The following MPP4 variants were observed in gnomAD, a reference collection of about 807,000 sequenced individuals.
MPP4 encodes MAGUK p55 scaffold protein 4.
MPP4 carries 91 observed loss-of-function variants against 98.3 expected under a neutral mutation model. That is an observed-to-expected ratio of 0.93 (90% CI 0.78 to 1.10). The LOEUF is 1.10. Ranked by LOEUF, MPP4 falls within the 50% of genes least tolerant of loss-of-function variation. The pLI is 0.00. For missense variants in MPP4, 744 were observed against 792.9 expected (o/e 0.94, Z 0.74); for synonymous variants, 261 against 271.8 (o/e 0.96, Z 0.39).
chr2:201,647,813 C>T lies in MPP4; in HGVS notation c.1597G>A (p.Val533Ile), dbSNP rs1316217195. Reference protein sequence around the residue: ...MDLEPQDIQGVRTHELKPYVI... With the variant: ...MDLEPQDIQGIRTHELKPYVI... The stretch of plus-strand genomic sequence containing the variant: ...TAGGGCTTCAGTTCATGGGTTCGAA[C>T]CCCTTGAATATCCTACACAGAAAAT... The change falls in exon 21 of 22, where the codon GTT becomes ATT. Residue 533 changes from valine (V) to isoleucine (I), a missense_variant. Physicochemically the swap from Val to Ile is conservative, Grantham distance 29. Coordinates refer to ENST00000409474, the MANE Select transcript of MPP4 (RefSeq NM_033066.3). 3 of 1,612,116 alleles carry T rather than the reference C, an allele frequency of 1.9e-6. No homozygotes were observed. The highest frequency in any genetic ancestry group is 4.5e-5 in the East Asian group (2 of 44,832).
At position 201,645,128 on chromosome 2, in the gene MPP4, C is replaced by A; in HGVS notation, c.*82G>T. 1 of 1,247,008 alleles carries A rather than the reference C, an allele frequency of 8.0e-7. No individual in the cohort carries two copies. The highest frequency in any genetic ancestry group is 1.1e-6 in the Non-Finnish European group (1 of 923,502). The allele number at this position is 1,247,008 out of a possible 1,614,324, so 77.2% of individuals were successfully genotyped here. ...TAAAGTTGTACACATTAAAATGGGT[C>A]AAATACTGTTGTTTTAGATTGCAAC... On this transcript the variant is annotated 3_prime_UTR_variant, in exon 22 of 22. Transcript: ENST00000409474.
chr2:201,670,756 T>G (rs1365660366), intron 11 of MPP4, among the ~76,000 whole-genome samples: 1 of 152,198 alleles, frequency 6.6e-6, no homozygotes, highest in African/African-American at 2.4e-5. Context: ...GATAAGATGT[T>G]AAGTGGCTGG....
At position 201,685,028 on chromosome 2, in the gene MPP4, T is replaced by C. The variant is rs931562628; in HGVS notation, c.574+36A>G. The stretch of plus-strand genomic sequence containing the variant: ...CTAAACAGTCAAGGGTTTCCTGTTT[T>C]TCTGGTAACTCTCAATCCCAGCTGC... On this transcript the variant is annotated intron_variant, in intron 7 of 21. Transcript: ENST00000409474. The C allele has an allele frequency of 2.5e-6, 4 of 1,575,674 alleles. No homozygotes were observed. The South Asian group carries it at 3.5e-5, about 14-fold the overall frequency.
intron 10 of MPP4, among the ~76,000 whole-genome samples, chr2:201,678,683 A>C (rs530309553): frequency 6.6e-6 from 1 of 152,122 alleles, no homozygotes; most frequent in Non-Finnish European, 1.5e-5. Context: ...ACATGGCTCC[A>C]GCACATCCTT....
chr2:201,669,137 AG>A (rs1688268706), intron 12 of MPP4, among the ~76,000 whole-genome samples: 2 of 150,012 alleles, frequency 1.3e-5, no homozygotes, highest in Admixed American at 6.7e-5. Flanking sequence ...AGAGAGAGAG[AG>A]AGCACCATCA....
At chr2:201,687,611 A>G (rs1476728308) in intron 4 of MPP4, among the ~76,000 whole-genome samples, 3 of 152,174 alleles carry the variant, frequency 2.0e-5, no homozygotes, top group African/African-American at 7.2e-5. Flanking sequence ...TCTAAACCCA[A>G]TGCCCAATCC....
At chr2:201,697,875 G>A in intron 1 of MPP4, 1 of 975,812 alleles carries the variant, frequency 1.0e-6, no homozygotes, top group African/African-American at 1.8e-5. Flanking sequence ...TTCCTCTTTT[G>A]TTTCCTTAGT....
rs1688998510 is a variant in MPP4 at position 201,690,913 on chromosome 2, A to G, written c.202-634T>C. Among the ~76,000 whole-genome samples the G allele has an allele frequency of 2.6e-5, 4 of 152,238 alleles. No individual in the cohort carries two copies. The South Asian group carries it at 8.3e-4, about 32-fold the overall frequency. ...GATCTAGGTTTGGGCTGAGGACACC[A>G]AAGCCTGCCTAGCTCTGCAATGCAC... On this transcript the variant is annotated intron_variant, in intron 3 of 21. Coordinates refer to ENST00000409474, the MANE Select transcript of MPP4 (RefSeq NM_033066.3).
rs973405938 is a variant in MPP4, at chr2:201,649,487, T to C, written c.1584+89A>G. On this transcript the variant is annotated intron_variant, in intron 20 of 21. Coordinates refer to ENST00000409474, the MANE Select transcript of MPP4 (RefSeq NM_033066.3). ...ATTCTTAAAAGGCTAACAGAATAAA[T>C]GTCTCAACTATAACCTACAGCATGT... 4.5e-6 allele frequency: 4 copies of C among 891,868 alleles called. No homozygotes were observed. In the African/African-American group the frequency reaches 6.6e-5, roughly 15 times the overall value. 55.2% of individuals were successfully genotyped at this position (891,868 alleles called of 1,614,324 possible). A position where few individuals can be genotyped will look rare whatever the true frequency, so the allele number is the denominator to read the frequency against.
rs759436902 is a variant in MPP4, at chr2:201,666,378, A to G, written c.1013-6T>C. On this transcript the variant is annotated splice_region_variant and splice_polypyrimidine_tract_variant and intron_variant, in intron 12 of 21. Coordinates refer to ENST00000409474, the MANE Select transcript of MPP4 (RefSeq NM_033066.3). ...ATCAATCTTCATGTCATCTTCTATA[A>G]AAGAGTATAGAAAGGGAGAAACAGA... is the stretch of plus-strand genomic sequence containing the variant. 2 of 1,541,998 alleles carry G rather than the reference A, an allele frequency of 1.3e-6. No individual in the cohort carries two copies. The highest frequency in any genetic ancestry group is 2.5e-5 in the South Asian group (2 of 81,434).
rs757108578 is a variant in MPP4 at position 201,680,965 on chromosome 2, A to G, written c.802T>C (p.Leu268=). The G allele has an allele frequency of 6.2e-7, 1 of 1,613,916 alleles. No homozygotes were observed. The highest frequency in any genetic ancestry group is 1.1e-5 in the South Asian group (1 of 91,060). ...DPDIPCMDAG[L]PFQKGDILQI... The stretch of plus-strand genomic sequence containing the variant: ...AGGATGTCCCCCTTCTGGAAAGGCA[A>G]TCCAGCGTCCATGCAGGGGATGTCG... Residue 268 remains leucine (L), a synonymous_variant, in exon 10 of 22, where the codon TTG becomes CTG. Coordinates refer to ENST00000409474, the MANE Select transcript of MPP4 (RefSeq NM_033066.3).
intron 11 of MPP4, among the ~76,000 whole-genome samples, chr2:201,669,964 A>C (rs1688296509): frequency 6.6e-6 from 1 of 152,226 alleles, no homozygotes; most frequent in African/African-American, 2.4e-5. Context: ...CCTTGTTGGA[A>C]ATGGAAATCT....
chr2:201,690,938 C>T (rs753771179), intron 3 of MPP4, among the ~76,000 whole-genome samples: 42 of 152,348 alleles, frequency 2.8e-4, no homozygotes, highest in Non-Finnish European at 5.3e-4. Flanking sequence ...CTGCAATGCA[C>T]CCCTTGATCT....
intron 8 of MPP4, among the ~76,000 whole-genome samples, chr2:201,682,197 A>G (rs911160524): frequency 5.9e-5 from 9 of 152,220 alleles, no homozygotes; most frequent in Non-Finnish European, 1.2e-4. Context: ...ACCAGGGGGT[A>G]GAAGCCATGC....
chr2:201,664,305 A>G, intron 13 of MPP4: 3 of 1,459,010 alleles, frequency 2.1e-6, no homozygotes, highest in Non-Finnish European at 2.8e-6. Flanking sequence ...TCGGCAGTTG[A>G]GCCATGATGA....
At chr2:201,681,087 G>C in intron 9 of MPP4, 53 bp from the exon 10 acceptor site, 1 of 1,559,754 alleles carries the variant, frequency 6.4e-7, no homozygotes, top group South Asian at 1.2e-5. Flanking sequence ...GGTGCCATCC[G>C]AAGAACCCTT....
At chr2:201,656,444 G>A in intron 16 of MPP4, 76 bp from the exon 17 acceptor site, 2 of 1,347,842 alleles carry the variant, frequency 1.5e-6, no homozygotes, top group Non-Finnish European at 1.0e-6. Flanking sequence ...GATGAAATAT[G>A]TAGCAACCAT....
At chr2:201,660,305 G>T in intron 15 of MPP4, 27 bp downstream of exon 15, 1 of 1,587,808 alleles carries the variant, frequency 6.3e-7, no homozygotes, top group South Asian at 1.1e-5. Context: ...GTTCTATTTG[G>T]TATATCTAGG....
In MPP4 at chr2:201,680,887, C is replaced by T. The variant is rs1214001939; in HGVS notation, c.880G>A (p.Asp294Asn). 6.2e-7 allele frequency: 1 copy of T among 1,613,696 alleles called. No homozygotes were observed. Among genetic ancestry groups the T allele is most frequent in the East Asian group, 2.2e-5 (1 of 44,864 alleles). The change falls in exon 10 of 22, where the codon GAC becomes AAC. Residue 294 changes from aspartate to asparagine, a missense_variant. Asp to Asn is a conservative substitution (Grantham distance 23). Coordinates refer to ENST00000409474, the MANE Select transcript of MPP4 (RefSeq NM_033066.3). ...ACAAGCCCAGCGCAGGTAGCAGGGT[C>T]TGAGATTTTTCGGGCCTGCCACCAG... ...ALWWQARKISDPATCAGLVPS... is the reference protein window; with the variant it reads ...ALWWQARKISNPATCAGLVPS...
Sources: gnomAD v4.1 joint callset for allele counts (sites outside exome capture counted in the v4.1 genomes callset) on GRCh38, gnomAD v4.1.1 for gene constraint, MANE v1.5 for transcripts, NCBI Gene and HGNC (gene_info 2026-07-23, HGNC 2026-07-21) for gene names.